SH3RF3: variants seen among roughly 807,000 people sequenced by gnomAD.
The protein encoded by SH3RF3 is E3 ubiquitin-protein ligase SH3RF3.
Under a neutral mutation model 66.3 loss-of-function variants are expected in SH3RF3, and 29 were observed. That is an observed-to-expected ratio of 0.44 (90% CI 0.33 to 0.60). The LOEUF is 0.60. Ranked by LOEUF, SH3RF3 falls within the 20% of genes least tolerant of loss-of-function variation. The pLI is 0.04. For synonymous variants in SH3RF3, 583 were observed against 532.0 expected, an observed-to-expected ratio of 1.10 and a Z score of -1.32; for missense variants, 1,194 against 1,190.9, an observed-to-expected ratio of 1.00 and a Z score of -0.04.
At chr2:109,175,177 G>T (rs887041130) in intron 1 of SH3RF3, among the ~76,000 whole-genome samples, 1 of 152,146 alleles carries the variant, frequency 6.6e-6, no homozygotes, top group South Asian at 2.1e-4. Flanking sequence ...AGAAATTGGA[G>T]TCCATCATTT....
At chr2:109,431,949 A>G (rs1476922166) in intron 5 of SH3RF3, among the ~76,000 whole-genome samples, 7 of 152,136 alleles carry the variant, frequency 4.6e-5, no homozygotes, top group Admixed American at 4.6e-4. Flanking sequence ...TAACTTAACC[A>G]CCTTTCCCTT....
chr2:109,421,724 C>G (rs1287644385), intron 5 of SH3RF3, among the ~76,000 whole-genome samples: 1 of 152,048 alleles, frequency 6.6e-6, no homozygotes, highest in Non-Finnish European at 1.5e-5. Context: ...ACTTATGTGT[C>G]GGACAACATC....
At chr2:109,372,867 A>T (rs1311866285) in intron 3 of SH3RF3, among the ~76,000 whole-genome samples, 1 of 152,186 alleles carries the variant, frequency 6.6e-6, no homozygotes, top group Non-Finnish European at 1.5e-5. Flanking sequence ...TGCCACACCT[A>T]CCACACAGTG....
At chr2:109,423,019 C>G (rs1268791410) in intron 5 of SH3RF3, among the ~76,000 whole-genome samples, 1 of 152,162 alleles carries the variant, frequency 6.6e-6, no homozygotes, top group Non-Finnish European at 1.5e-5. Flanking sequence ...GGCACAGAGC[C>G]TTGGTCTGGG....
At chr2:109,304,781 G>T (rs1344333084) in intron 1 of SH3RF3, among the ~76,000 whole-genome samples, 4 of 152,190 alleles carry the variant, frequency 2.6e-5, no homozygotes. Context: ...GCAGGGACCC[G>T]GCTCAGCCCT....
At position 109,398,732 on chromosome 2, in the gene SH3RF3, T is replaced by G; in HGVS notation, c.1088T>G (p.Val363Gly). Residue 363 changes from valine to glycine, a missense_variant, in exon 4 of 10, where the codon GTC becomes GGC. Physicochemically the swap from Val to Gly is moderately radical, Grantham distance 109 (BLOSUM62 -3). Coordinates refer to ENST00000309415, the MANE Select transcript of SH3RF3 (RefSeq NM_001099289.3). ...CCCACTTTAAGCAGCTCAGGGGCGGTCAGTGCCTTTCAGCGGCGTGTGGAT... is the reference window on the plus strand; with the variant it reads ...CCCACTTTAAGCAGCTCAGGGGCGGGCAGTGCCTTTCAGCGGCGTGTGGAT... ...PSPTLSSSGA[V>G]SAFQRRVDGK... The G allele has an allele frequency of 6.2e-7, 1 of 1,613,242 alleles. No individual in the cohort carries two copies. Among genetic ancestry groups the G allele is most frequent in the Non-Finnish European group, 8.5e-7 (1 of 1,179,644 alleles).
intron 1 of SH3RF3, among the ~76,000 whole-genome samples, chr2:109,253,045 A>G (rs1393135556): frequency 6.6e-6 from 1 of 151,946 alleles, no homozygotes; most frequent in Admixed American, 6.6e-5. Flanking sequence ...TTTTTATTTA[A>G]GAGCTAGAGT....
intron 9 of SH3RF3, among the ~76,000 whole-genome samples, chr2:109,497,183 T>C (rs1159216546): frequency 6.6e-6 from 1 of 152,194 alleles, no homozygotes; most frequent in East Asian, 1.9e-4. Context: ...AACTAATATG[T>C]GTGTTGATAT....
At chr2:109,267,685 C>T (rs1402324297) in intron 1 of SH3RF3, among the ~76,000 whole-genome samples, 4 of 152,202 alleles carry the variant, frequency 2.6e-5, no homozygotes, top group African/African-American at 9.6e-5. Context: ...GAGCCCCACC[C>T]GTGATCCCCT....
At chr2:109,256,053 A>G (rs1680214764) in intron 1 of SH3RF3, among the ~76,000 whole-genome samples, 1 of 152,108 alleles carries the variant, frequency 6.6e-6, no homozygotes, top group Non-Finnish European at 1.5e-5. Context: ...CTCCTCACAA[A>G]TGTAAGCCTG....
chr2:109,254,726 A>G (rs1048118309), intron 1 of SH3RF3, among the ~76,000 whole-genome samples: 2 of 152,160 alleles, frequency 1.3e-5, no homozygotes, highest in Non-Finnish European at 2.9e-5. Flanking sequence ...AGCCGCTCCC[A>G]TGAGAGGAGC....
intron 3 of SH3RF3, among the ~76,000 whole-genome samples, chr2:109,384,658 C>A (rs1267333507): frequency 6.6e-6 from 1 of 152,216 alleles, no homozygotes; most frequent in Non-Finnish European, 1.5e-5. Context: ...TCCATAGACT[C>A]CTCCTGACCA....
intron 8 of SH3RF3, among the ~76,000 whole-genome samples, chr2:109,489,495 G>C (rs973602363): frequency 6.6e-6 from 1 of 152,222 alleles, no homozygotes; most frequent in Non-Finnish European, 1.5e-5. Flanking sequence ...CCACTTAGAA[G>C]AGCTGGGGGA....
chr2:109,493,479 A>G (rs1267041412), intron 9 of SH3RF3, among the ~76,000 whole-genome samples: 13 of 151,556 alleles, frequency 8.6e-5, no homozygotes, highest in Admixed American at 3.3e-4. Context: ...ATACAAACAC[A>G]TACCCCACAT....
chr2:109,221,231 T>G (rs1679232429), intron 1 of SH3RF3, among the ~76,000 whole-genome samples: 1 of 152,220 alleles, frequency 6.6e-6, no homozygotes, highest in South Asian at 2.1e-4. Flanking sequence ...TTAATTTTTT[T>G]CTTTTCAATA....
intron 4 of SH3RF3, among the ~76,000 whole-genome samples, chr2:109,412,149 G>A (rs1029981110): frequency 6.6e-6 from 1 of 152,234 alleles, no homozygotes; most frequent in Non-Finnish European, 1.5e-5. Context: ...GTGAGCCTTC[G>A]GCCGCCGTGG....
At chr2:109,283,054 G>A (rs966273533) in intron 1 of SH3RF3, among the ~76,000 whole-genome samples, 1 of 152,210 alleles carries the variant, frequency 6.6e-6, no homozygotes, top group African/African-American at 2.4e-5. Flanking sequence ...CAGACAGAAG[G>A]TAAGTCCAGG....
chr2:109,373,646 T>G (rs541857709), intron 3 of SH3RF3, among the ~76,000 whole-genome samples: 197 of 152,230 alleles, frequency 1.3e-3, no homozygotes, highest in Non-Finnish European at 2.4e-3. Flanking sequence ...ACCTTGGGGA[T>G]TCTGACTGGA....
chr2:109,318,333 GCC>G (rs1458510802), intron 1 of SH3RF3, among the ~76,000 whole-genome samples: 4 of 152,038 alleles, frequency 2.6e-5, no homozygotes, highest in African/African-American at 9.7e-5. Context: ...CCGGCCCCCA[GCC>G]CGGTCCCCAG....
Sources: allele counts gnomAD v4.1 joint callset (sites outside exome capture counted in the v4.1 genomes callset), GRCh38; gene constraint gnomAD v4.1.1; transcripts MANE v1.5; gene names NCBI Gene and HGNC (gene_info 2026-07-23, HGNC 2026-07-21).